The following LSAMP variants were observed in gnomAD, a reference collection of about 807,000 sequenced individuals.
LSAMP encodes the protein limbic system associated membrane protein.
In LSAMP, 7 loss-of-function variants were observed where a neutral mutation model predicts 38.6. The ratio of observed to expected loss-of-function variants is 0.18; its 90% CI spans 0.10 to 0.34. LSAMP has a LOEUF of 0.34. Ranked by LOEUF, LSAMP falls within the 10% of genes least tolerant of loss-of-function variation. LSAMP has a pLI of 1.00. For missense variants in LSAMP, 313 were observed against 420.0 expected (o/e 0.75, Z 2.23); for synonymous variants, 154 against 166.8 (o/e 0.92, Z 0.59).
rs192525505 is a variant in LSAMP, at chr3:116,085,968, G to T, written c.388+356C>A. On this transcript the variant is annotated intron_variant, in intron 2 of 6. Coordinates refer to ENST00000490035, the MANE Select transcript of LSAMP (RefSeq NM_002338.5). ...CTTTCTTAAACTCAGCAAAGCATCT[G>T]GTACCTAACAGGGTGGAAAAGTGTA... 3.3e-5 allele frequency among the ~76,000 whole-genome samples: 5 copies of T among 152,330 alleles called. No individual in the cohort carries two copies. In the East Asian group the frequency reaches 9.6e-4, roughly 29 times the overall value.
intron 3 of LSAMP, among the ~76,000 whole-genome samples, chr3:115,866,849 CAATGCAAATATT>C (rs956121573): frequency 6.6e-6 from 1 of 151,988 alleles, no homozygotes; most frequent in Non-Finnish European, 1.5e-5. Context: ...ACTCCTTTTG[CAATGCAAATATT>C]AATGCAAGTG....
intron 2 of LSAMP, among the ~76,000 whole-genome samples, chr3:116,028,160 A>G (rs1940837044): frequency 6.6e-6 from 1 of 152,220 alleles, no homozygotes; most frequent in Non-Finnish European, 1.5e-5. Flanking sequence ...CACTTGCTGT[A>G]TTTAATAAGC....
chr3:116,151,156 G>C (rs936677214), intron 1 of LSAMP, among the ~76,000 whole-genome samples: 1 of 151,992 alleles, frequency 6.6e-6, no homozygotes, highest in African/African-American at 2.4e-5. Context: ...AGGATACACA[G>C]CAGAAATTCA....
chr3:116,242,342 A>T (rs1186415140), intron 1 of LSAMP, among the ~76,000 whole-genome samples: 1 of 152,226 alleles, frequency 6.6e-6, no homozygotes, highest in Non-Finnish European at 1.5e-5. Flanking sequence ...AATAGTTTAA[A>T]AAATGGTAAT....
chr3:116,427,160 C>CCGGACTG, intron 1 of LSAMP, among the ~76,000 whole-genome samples: 1 of 141,956 alleles, frequency 7.0e-6, no homozygotes, highest in Non-Finnish European at 1.5e-5. Context: ...GTCGCCCAGG[C>CCGGACTG]CGGACTGCGG....
At chr3:116,037,746 T>C (rs1341453911) in intron 2 of LSAMP, among the ~76,000 whole-genome samples, 1 of 152,100 alleles carries the variant, frequency 6.6e-6, no homozygotes, top group African/African-American at 2.4e-5. Flanking sequence ...GACTATGTGG[T>C]TATACTTGGC....
At chr3:116,180,688 T>G (rs984211490) in intron 1 of LSAMP, among the ~76,000 whole-genome samples, 1 of 152,198 alleles carries the variant, frequency 6.6e-6, no homozygotes, top group Non-Finnish European at 1.5e-5. Flanking sequence ...ACAAAAGTTA[T>G]GCTTTCTTTA....
intron 3 of LSAMP, among the ~76,000 whole-genome samples, chr3:115,910,295 T>C (rs1937106525): frequency 6.6e-6 from 1 of 152,206 alleles, no homozygotes; most frequent in Non-Finnish European, 1.5e-5. Context: ...GAATTTGGAA[T>C]ATAGTTTGAA....
chr3:116,181,800 G>A (rs577520067), intron 1 of LSAMP, among the ~76,000 whole-genome samples: 8 of 151,792 alleles, frequency 5.3e-5, no homozygotes, highest in Non-Finnish European at 8.8e-5. Flanking sequence ...AGATGTCTAC[G>A]CATCTGATTT....
intron 1 of LSAMP, among the ~76,000 whole-genome samples, chr3:116,165,476 G>T (rs559530141): frequency 4.1e-4 from 63 of 152,236 alleles, no homozygotes; most frequent in African/African-American, 1.3e-3. Flanking sequence ...ATAGCAAAGC[G>T]CAATGAGGTA....
chr3:116,113,880 A>G (rs1460114377), intron 1 of LSAMP, among the ~76,000 whole-genome samples: 4 of 152,240 alleles, frequency 2.6e-5, no homozygotes, highest in Admixed American at 2.6e-4. Context: ...GAGTGGATCA[A>G]TAATTGCAAG....
intron 6 of LSAMP, among the ~76,000 whole-genome samples, chr3:115,821,579 C>A (rs771431268): frequency 5.9e-5 from 9 of 152,144 alleles, no homozygotes; most frequent in Non-Finnish European, 1.3e-4. Flanking sequence ...TGACATAAGT[C>A]TTTCTATAAG....
At chr3:116,358,055 T>C (rs1319584317) in intron 1 of LSAMP, among the ~76,000 whole-genome samples, 1 of 152,214 alleles carries the variant, frequency 6.6e-6, no homozygotes, top group Non-Finnish European at 1.5e-5. Context: ...AATTACTTTC[T>C]ATCCTTGCAT....
intron 1 of LSAMP, among the ~76,000 whole-genome samples, chr3:116,123,957 A>AT (rs1180091578): frequency 6.6e-6 from 1 of 152,174 alleles, no homozygotes; most frequent in Non-Finnish European, 1.5e-5. Flanking sequence ...TATGATGTGG[A>AT]TAAAAAGACT....
rs1462308436 is a variant in LSAMP at position 116,444,667 on chromosome 3, T to C, written c.155+210A>G. Among the ~76,000 whole-genome samples the C allele has an allele frequency of 3.3e-5, 5 of 150,854 alleles. No individual in the cohort carries two copies. In the East Asian group the frequency reaches 9.9e-4, roughly 30 times the overall value. ...ACTGCTGCTTGACAGGGACCAGAAT[T>C]CCCTTGAATTTTGTTAGCTATAATG... On this transcript the variant is annotated intron_variant, in intron 1 of 6. Transcript: ENST00000490035.
chr3:116,253,004 C>T (rs1178982558), intron 1 of LSAMP, among the ~76,000 whole-genome samples: 1 of 152,196 alleles, frequency 6.6e-6, no homozygotes, highest in African/African-American at 2.4e-5. Context: ...TTCTGGACTT[C>T]TCGAATCAAT....
intron 3 of LSAMP, among the ~76,000 whole-genome samples, chr3:115,952,582 G>C (rs977880196): frequency 1.7e-4 from 26 of 152,132 alleles, no homozygotes; most frequent in Admixed American, 1.6e-3. Flanking sequence ...GGTGAGAGGA[G>C]GGTGAGAGAT....
chr3:116,282,614 A>T (rs138538384), intron 1 of LSAMP, among the ~76,000 whole-genome samples: 1 of 152,296 alleles, frequency 6.6e-6, no homozygotes, highest in African/African-American at 2.4e-5. Flanking sequence ...ATTTTCTGAC[A>T]TGTGGATTTT....
At chr3:116,242,551 G>A (rs2046551036) in intron 1 of LSAMP, among the ~76,000 whole-genome samples, 1 of 152,064 alleles carries the variant, frequency 6.6e-6, no homozygotes, top group Non-Finnish European at 1.5e-5. Context: ...CGGGTCCCCT[G>A]CTTTCCCACT....
Sources: gnomAD v4.1 joint callset for allele counts (sites outside exome capture counted in the v4.1 genomes callset) on GRCh38, gnomAD v4.1.1 for gene constraint, MANE v1.5 for transcripts, NCBI Gene and HGNC (gene_info 2026-07-23, HGNC 2026-07-21) for gene names.